The following TRMT2B variants were observed in gnomAD, a reference collection of about 807,000 sequenced individuals.
The protein encoded by TRMT2B is tRNA methyltransferase 2B, also known as tRNA (uracil-5-)-methyltransferase homolog B.
Under a neutral mutation model 39.7 loss-of-function variants are expected in TRMT2B, and 34 were observed. That is an observed-to-expected ratio of 0.86 (90% confidence interval 0.65 to 1.14). TRMT2B has a LOEUF of 1.14. TRMT2B is among the 50% of genes most tolerant of loss of function. TRMT2B has a pLI of 0.00. For missense variants in TRMT2B, 318 were observed against 377.2 expected (o/e 0.84, Z 1.30); for synonymous variants, 132 against 137.3 (o/e 0.96, Z 0.27).
chrX:101,034,366 T>C (rs1479944963), intron 7 of TRMT2B, among the ~76,000 whole-genome samples: 2 of 107,033 alleles, frequency 1.9e-5, no homozygotes, highest in African/African-American at 6.9e-5. Flanking sequence ...GGTCTCGAAC[T>C]CCTGACCTCA....
the TRMT2B span, among the ~76,000 whole-genome samples, chrX:100,984,552 A>G: frequency 8.9e-6 from 1 of 112,544 alleles, no homozygotes; most frequent in African/African-American, 3.2e-5. Flanking sequence ...TAAGTCTAGC[A>G]TGGTTTCTTG....
In TRMT2B at chrX:101,010,409, C is replaced by A; in HGVS notation, c.*172G>T. ...CCTGGGCAAGAGTGAGACTCTATCT[C>A]AAAAAAAAAATCTGCCTCAGACCAG... is the stretch of plus-strand genomic sequence containing the variant. On this transcript the variant is annotated 3_prime_UTR_variant, in exon 14 of 14. Coordinates refer to ENST00000372936, the MANE Select transcript of TRMT2B (RefSeq NM_024917.6). The A allele has an allele frequency of 2.0e-6, 1 of 495,305 alleles. No individual in the cohort carries two copies. The highest frequency in any genetic ancestry group is 3.9e-5 in the East Asian group (1 of 25,595). The allele number at this position is 495,305 out of a possible 1,213,427, so 40.8% of individuals were successfully genotyped here. A position where few individuals can be genotyped will look rare whatever the true frequency, so the allele number is the denominator to read the frequency against.
chrX:101,004,798 G>A (rs183968731), downstream of TRMT2B, among the ~76,000 whole-genome samples: 73 of 111,516 alleles, frequency 6.5e-4, no homozygotes, highest in Admixed American at 6.1e-3. Context: ...ACCGTGCCCG[G>A]CCATCAAAAA....
Position 101,037,071 on chromosome X carries a change from A to T in TRMT2B, c.441T>A (p.Pro147=). Residue 147 remains proline, a splice_region_variant and synonymous_variant, in exon 6 of 14, where the codon CCT becomes CCA. Transcript: ENST00000372936. ...ACTTATTTCGGTAACCATTGATGACAGGCTGGAGAGGGCAGAAGGACAGGA... is the reference window on the plus strand; with the variant it reads ...ACTTATTTCGGTAACCATTGATGACTGGCTGGAGAGGGCAGAAGGACAGGA... ...SCLLHPIIPS[P]VINGYRNKST... is the part of the protein sequence containing the mutation. 1 of 1,197,238 alleles carries T rather than the reference A, an allele frequency of 8.4e-7. No individual in the cohort carries two copies. The highest frequency in any genetic ancestry group is 1.1e-6 in the Non-Finnish European group (1 of 882,280).
intron 10 of TRMT2B, 118 bp from the exon 11 acceptor site, chrX:101,020,706 G>C: frequency 1.7e-6 from 1 of 590,875 alleles, no homozygotes; most frequent in Non-Finnish European, 2.8e-6. Context: ...GTCTCACTCT[G>C]TAGCCTAGGC....
the TRMT2B span, among the ~76,000 whole-genome samples, chrX:100,980,098 TGGCTATCCCTGA>T: frequency 1.8e-5 from 2 of 110,682 alleles, no homozygotes; most frequent in African/African-American, 6.6e-5. Context: ...AACTATTTCC[TGGCTATCCCTGA>T]TATTTATTCA....
At position 101,021,223 on chromosome X, in the gene TRMT2B, C is replaced by A. The variant is rs145912589; in HGVS notation, c.944G>T (p.Arg315Leu). 1.0e-4 allele frequency: 123 copies of A among 1,209,749 alleles called. 1 individual carries two copies. The Admixed American group carries it at 1.1e-3, about 11-fold the overall frequency. Residue 315 changes from arginine to leucine, a missense_variant, in exon 10 of 14, where the codon CGC becomes CTC. Arg to Leu is a moderately radical substitution (Grantham distance 102). Coordinates refer to ENST00000372936, the MANE Select transcript of TRMT2B (RefSeq NM_024917.6). Reference sequence around the variant, plus strand: ...CTGGAAAAAGGCATCTGGAGAGATGCGGATCTTCAAGCTCAGAAGTTCTTC... The same window carrying A: ...CTGGAAAAAGGCATCTGGAGAGATGAGGATCTTCAAGCTCAGAAGTTCTTC... ...IFEELLSLKI[R>L]ISPDAFFQIN...
Position 101,037,971 on chromosome X carries a change from C to T in TRMT2B, c.384G>A (p.Thr128=), listed in dbSNP as rs140542189. ...AGAGCCTCTCAGATTTGGGTACAGC[C>T]GTTGTCACACTGACTCCATTGAGCA... ...IQMLNGVSVT[T]AVPKSERLSC... The change falls in exon 5 of 14, where the codon ACG becomes ACA. Residue 128 remains threonine, a synonymous_variant. Transcript: ENST00000372936. 116 of 1,206,522 alleles carry T rather than the reference C, an allele frequency of 9.6e-5. No individual in the cohort carries two copies. Among genetic ancestry groups the T allele is most frequent in the African/African-American group, 9.5e-4 (54 of 56,860 alleles).
intron 13 of TRMT2B, among the ~76,000 whole-genome samples, chrX:101,014,999 G>T (rs1361837339): frequency 9.0e-6 from 1 of 110,800 alleles, no homozygotes; most frequent in African/African-American, 3.3e-5. Flanking sequence ...AAAAAAAGTT[G>T]AATTGTATGA....
At chrX:101,032,242 C>T (rs756873960) in intron 7 of TRMT2B, among the ~76,000 whole-genome samples, 11 of 109,068 alleles carry the variant, frequency 1.0e-4, no homozygotes, top group South Asian at 4.0e-4. Context: ...GCTGAGATCA[C>T]GCCATTGCAC....
intron 13 of TRMT2B, among the ~76,000 whole-genome samples, chrX:101,011,897 G>C (rs1222278862): frequency 9.0e-6 from 1 of 111,156 alleles, no homozygotes; most frequent in Non-Finnish European, 1.9e-5. Context: ...TCACTGTTTT[G>C]CACCTCCAAA....
At chrX:101,026,694 CAG>C (rs2087113633) in intron 7 of TRMT2B, among the ~76,000 whole-genome samples, 1 of 110,942 alleles carries the variant, frequency 9.0e-6, no homozygotes, top group Non-Finnish European at 1.9e-5. Flanking sequence ...GTTAAAATAA[CAG>C]AATATTCCAC....
chrX:101,043,370 G>C (rs2088374543), intron 2 of TRMT2B, among the ~76,000 whole-genome samples: 1 of 111,862 alleles, frequency 8.9e-6, no homozygotes, highest in Non-Finnish European at 1.9e-5. Context: ...AGGAGTTCAA[G>C]ACCAGCCTGG....
chrX:100,996,809 G>C, the TRMT2B span, among the ~76,000 whole-genome samples: 4 of 110,941 alleles, frequency 3.6e-5, no homozygotes, highest in Non-Finnish European at 7.5e-5. Context: ...CTACTCAGGA[G>C]GCTGAAAAAA....
downstream of TRMT2B, among the ~76,000 whole-genome samples, chrX:101,005,901 A>T (rs1165659425): frequency 9.9e-6 from 1 of 100,723 alleles, no homozygotes; most frequent in Non-Finnish European, 2.0e-5. Context: ...AAAAAAAAAA[A>T]AAAGAAAGAG....
chrX:100,991,503 C>T, the TRMT2B span, among the ~76,000 whole-genome samples: 1 of 110,926 alleles, frequency 9.0e-6, no homozygotes, highest in Non-Finnish European at 1.9e-5. Flanking sequence ...CTCAGCCTCC[C>T]AAGTAGCTGG....
intron 7 of TRMT2B, among the ~76,000 whole-genome samples, chrX:101,028,657 C>T (rs1350051860): frequency 8.9e-6 from 1 of 111,819 alleles, no homozygotes; most frequent in Non-Finnish European, 1.9e-5. Context: ...TGACATTCCT[C>T]CCTCACCCCA....
chrX:101,029,534 C>A (rs1414045927), intron 7 of TRMT2B, among the ~76,000 whole-genome samples: 1 of 111,447 alleles, frequency 9.0e-6, no homozygotes, highest in Non-Finnish European at 1.9e-5. Context: ...TTCAACATAT[C>A]ATATGATTTA....
intron 7 of TRMT2B, among the ~76,000 whole-genome samples, chrX:101,026,175 T>C (rs1402487160): frequency 2.7e-5 from 3 of 110,916 alleles, no homozygotes; most frequent in Non-Finnish European, 5.7e-5. Context: ...GGAAGCAAGA[T>C]TCAAATATCA....
Sources: allele counts gnomAD v4.1 joint callset (sites outside exome capture counted in the v4.1 genomes callset), GRCh38; gene constraint gnomAD v4.1.1; transcripts MANE v1.5; gene names NCBI Gene and HGNC (gene_info 2026-07-23, HGNC 2026-07-21).